Variants in SLC43A1 observed in about 807,000 individuals in gnomAD.
SLC43A1 encodes the protein solute carrier family 43 member 1.
A neutral mutation model predicts 59.5 loss-of-function variants in SLC43A1; 31 were observed. The ratio of observed to expected loss-of-function variants is 0.52; its 90% CI spans 0.39 to 0.70. The LOEUF (loss-of-function observed/expected upper bound fraction) is 0.70, where lower values mean the gene tolerates loss of function less well. Among genes scored for constraint, SLC43A1 ranks in the 30% least tolerant of loss-of-function variants. SLC43A1 has a pLI of 0.00. For synonymous variants in SLC43A1, 259 were observed against 290.9 expected (o/e 0.89, Z 1.12); for missense variants, 598 against 717.8 (o/e 0.83, Z 1.91).
chr11:57,487,266 C>T (rs766090622), intron 13 of SLC43A1, 48 bp from the exon 14 acceptor site: 2 of 1,590,576 alleles, frequency 1.3e-6, no homozygotes, highest in East Asian at 4.5e-5. Context: ...CTCTCCAGCC[C>T]AGGCCAGCAC....
chr11:57,496,234 G>T (rs1944083094), intron 6 of SLC43A1, 70 bp from the exon 7 acceptor site: 2 of 1,548,510 alleles, frequency 1.3e-6, no homozygotes, highest in African/African-American at 1.4e-5. Flanking sequence ...TAGATCCCAG[G>T]CCTCAGAGGC....
chr11:57,489,219 G>C (rs769332884), intron 12 of SLC43A1, 32 bp downstream of exon 12: 1 of 1,613,630 alleles, frequency 6.2e-7, no homozygotes, highest in South Asian at 1.1e-5. Flanking sequence ...AGCCTCGGGA[G>C]GCAGGGAGAG....
Position 57,496,086 on chromosome 11 carries a change from A to G in SLC43A1, c.637T>C (p.Cys213Arg). 6.2e-7 allele frequency: 1 copy of G among 1,614,152 alleles called. No homozygotes were observed. The highest frequency in any genetic ancestry group is 8.5e-7 in the Non-Finnish European group (1 of 1,180,016). Residue 213 changes from cysteine (C) to arginine (R), a missense_variant, in exon 7 of 15, where the codon TGC becomes CGC. Transcript: ENST00000278426. Reference sequence around the variant, plus strand: ...GCTTCGATGGGCCAGTTGAGGGTGCAGTTCAGAAAGATAAGGCAGGCCAGG... The same window carrying G: ...GCTTCGATGGGCCAGTTGAGGGTGCGGTTCAGAAAGATAAGGCAGGCCAGG... Reference protein sequence around the residue: ...SGLACLIFLNCTLNWPIEAFP... With the variant: ...SGLACLIFLNRTLNWPIEAFP...
chr11:57,512,773 C>A (rs1944582558), intron 2 of SLC43A1, among the ~76,000 whole-genome samples: 1 of 152,046 alleles, frequency 6.6e-6, no homozygotes. Context: ...TCCTCCAGCC[C>A]CTGTCACCCC....
chr11:57,513,059 C>T (rs573283019), intron 2 of SLC43A1, among the ~76,000 whole-genome samples: 8 of 152,314 alleles, frequency 5.3e-5, no homozygotes, highest in Middle Eastern at 3.4e-3. Flanking sequence ...AGCACTCCCA[C>T]GGAATCGATA....
chr11:57,501,943 C>T (rs1316185799), intron 2 of SLC43A1, among the ~76,000 whole-genome samples: 2 of 151,882 alleles, frequency 1.3e-5, no homozygotes, highest in Admixed American at 6.6e-5. Context: ...CTTAACTATG[C>T]TCCAGGCACT....
At position 57,500,633 on chromosome 11, in the gene SLC43A1, GCA is replaced by G. The variant is rs1192210988; in HGVS notation, c.465+144_465+145del. Reference sequence around the variant, plus strand: ...TCACACCTGCTCTTTGCAGCCACCTGCACAGTTTCTCACACACTCACTTGATC... The same window carrying G: ...TCACACCTGCTCTTTGCAGCCACCTGCAGTTTCTCACACACTCACTTGATC... On this transcript the variant is annotated intron_variant, in intron 5 of 14. Transcript: ENST00000278426. 1.1e-5 allele frequency: 8 copies of G among 717,970 alleles called. No homozygotes were observed. The East Asian group carries it at 1.4e-4, about 12-fold the overall frequency. The allele number at this position is 717,970 out of a possible 1,614,324, so 44.5% of individuals were successfully genotyped here. A position where few individuals can be genotyped will look rare whatever the true frequency, so the allele number is the denominator to read the frequency against.
At position 57,501,256 on chromosome 11, in the gene SLC43A1, G is replaced by A; in HGVS notation, c.228C>T (p.Leu76=). Residue 76 remains leucine, a synonymous_variant, in exon 3 of 15, where the codon CTC becomes CTT. Transcript: ENST00000278426. ...AGGAACCAATGGTGAAGCCCAGGTT[G>A]AGCATCTCGTCCTGCTGGTCACAGC... The part of the protein sequence containing the change: ...WPGCDQQDEM[L]NLGFTIGSFV... 6.2e-7 allele frequency: 1 copy of A among 1,612,532 alleles called. No individual in the cohort carries two copies. Among genetic ancestry groups the A allele is most frequent in the Non-Finnish European group, 8.5e-7 (1 of 1,180,032 alleles).
At chr11:57,499,839 C>A (rs2584856) in intron 5 of SLC43A1, among the ~76,000 whole-genome samples, 117,941 of 151,882 alleles carry the variant, frequency 0.78, 45,942 homozygotes, top group East Asian at 0.89. Context: ...TGAGGTCAAG[C>A]GCCGGAGAGA....
intron 2 of SLC43A1, among the ~76,000 whole-genome samples, chr11:57,509,236 T>C (rs1444120288): frequency 6.6e-6 from 1 of 152,000 alleles, no homozygotes; most frequent in African/African-American, 2.4e-5. Context: ...TCACACTATA[T>C]ACAAAATCAA....
chr11:57,485,117 G>A lies in SLC43A1; in HGVS notation c.1659C>T (p.Ser553=), dbSNP rs767671360. The part of the protein sequence containing the change: ...ANGMGPLKVL[S]GSEVTA ...AAGTCTATGCGGTCACCTCAGAGCC[G>A]CTAAGCACCTTCAGTGGGCCCATCC... The change falls in exon 15 of 15, where the codon AGC becomes AGT. Residue 553 remains serine (S), a synonymous_variant. Coordinates refer to ENST00000278426, the MANE Select transcript of SLC43A1 (RefSeq NM_003627.6). The A allele has an allele frequency of 1.3e-5, 21 of 1,613,774 alleles. No individual in the cohort carries two copies. Among genetic ancestry groups the A allele is most frequent in the East Asian group, 4.5e-5 (2 of 44,884 alleles).
intron 3 of SLC43A1, 52 bp from the exon 4 acceptor site, chr11:57,501,095 C>T: frequency 6.2e-7 from 1 of 1,609,774 alleles, no homozygotes. Context: ...ACCCCCCCTC[C>T]CCTCCCCCTG....
chr11:57,487,552 C>T (rs1294532501), intron 13 of SLC43A1, among the ~76,000 whole-genome samples: 1 of 152,112 alleles, frequency 6.6e-6, no homozygotes, highest in Non-Finnish European at 1.5e-5. Flanking sequence ...TGAGAACCTA[C>T]TATGTGCCAG....
At position 57,503,992 on chromosome 11, in the gene SLC43A1, G is replaced by A. The variant is rs550599957; in HGVS notation, c.155-2663C>T. Among the ~76,000 whole-genome samples the A allele has an allele frequency of 3.0e-4, 46 of 152,118 alleles. 1 individual carries two copies. The highest frequency in any genetic ancestry group is 2.9e-3 in the Admixed American group (44 of 15,266). On this transcript the variant is annotated intron_variant, in intron 2 of 14. Transcript: ENST00000278426. ...GTAAATCACAAAGTCAGGAGATCGA[G>A]ACCATCCTGGCTAACACGGTGAAAC...
intron 8 of SLC43A1, 67 bp downstream of exon 8, chr11:57,493,926 G>C: frequency 6.9e-7 from 1 of 1,459,070 alleles, no homozygotes; most frequent in Non-Finnish European, 9.2e-7. Flanking sequence ...TCAACCATGA[G>C]TGCTCACTGA....
intron 13 of SLC43A1, 23 bp from the exon 14 acceptor site, chr11:57,487,241 CAG>C: frequency 6.2e-7 from 1 of 1,608,372 alleles, no homozygotes; most frequent in Non-Finnish European, 8.5e-7. Flanking sequence ...CGGGGAGTAT[CAG>C]GGGTGTGTGG....
chr11:57,497,065 G>GC (rs1944109913), intron 6 of SLC43A1, among the ~76,000 whole-genome samples: 1 of 151,986 alleles, frequency 6.6e-6, no homozygotes, highest in Non-Finnish European at 1.5e-5. Flanking sequence ...ACAACTGATG[G>GC]CCCCCCCACC....
intron 9 of SLC43A1, 43 bp downstream of exon 9, chr11:57,491,673 C>A: frequency 6.2e-7 from 1 of 1,614,182 alleles, no homozygotes. Flanking sequence ...CCAGGGTGAC[C>A]CGCCTGTGCC....
At chr11:57,497,730 A>T in intron 6 of SLC43A1, 23 bp downstream of exon 6, 1 of 1,601,480 alleles carries the variant, frequency 6.2e-7, no homozygotes, top group Non-Finnish European at 8.5e-7. Flanking sequence ...CAAGACAAAA[A>T]GAAAACCCAG....
Sources: gnomAD v4.1 joint callset for allele counts (sites outside exome capture counted in the v4.1 genomes callset) on GRCh38, gnomAD v4.1.1 for gene constraint, MANE v1.5 for transcripts, NCBI Gene and HGNC (gene_info 2026-07-23, HGNC 2026-07-21) for gene names.